PTPN12: variants seen among roughly 807,000 people sequenced by gnomAD.
The protein encoded by PTPN12 is protein tyrosine phosphatase non-receptor type 12.
PTPN12 carries 29 observed loss-of-function variants against 97.6 expected under a neutral mutation model. That is an observed-to-expected ratio of 0.30 (90% confidence interval 0.22 to 0.41). The LOEUF is 0.41. PTPN12 is among the 10% of genes least tolerant of loss of function. The pLI is 1.00. For missense variants in PTPN12, 819 were observed against 926.0 expected (o/e 0.88, Z 1.50); for synonymous variants, 327 against 300.4 (o/e 1.09, Z -0.91).
chr7:77,560,613 A>G (rs1216287936), intron 1 of PTPN12, among the ~76,000 whole-genome samples: 2 of 152,198 alleles, frequency 1.3e-5, no homozygotes, highest in African/African-American at 4.8e-5. Flanking sequence ...TATGGATTTG[A>G]CAATTCTAGG....
At chr7:77,588,665 A>G (rs1787769803) in intron 5 of PTPN12, among the ~76,000 whole-genome samples, 1 of 152,210 alleles carries the variant, frequency 6.6e-6, no homozygotes, top group Admixed American at 6.5e-5. Flanking sequence ...TCTGAGAAAC[A>G]CAGTAAAATG....
rs536862018 is a variant in PTPN12 at position 77,588,933 on chromosome 7, C to T, written c.421-3252C>T. Among the ~76,000 whole-genome samples the T allele has an allele frequency of 2.6e-5, 4 of 152,176 alleles. No individual in the cohort carries two copies. In the East Asian group the frequency reaches 5.8e-4, roughly 22 times the overall value. ...TGTCAGTCAGGCTGGAGTGCAGTGG[C>T]GCGATCTCGGCTCACTGCAACCTCC... On this transcript the variant is annotated intron_variant, in intron 5 of 17. Transcript: ENST00000248594.
intron 7 of PTPN12, 129 bp downstream of exon 7, chr7:77,598,030 C>G: frequency 8.2e-7 from 1 of 1,214,668 alleles, no homozygotes; most frequent in South Asian, 1.9e-5. Flanking sequence ...GGGTTCAAGA[C>G]TAGCCTGGGC....
intron 1 of PTPN12, among the ~76,000 whole-genome samples, chr7:77,551,337 A>G (rs1266864573): frequency 6.6e-6 from 1 of 152,246 alleles, no homozygotes; most frequent in Non-Finnish European, 1.5e-5. Flanking sequence ...CTGAGATTAC[A>G]GGCATGACAG....
chr7:77,537,631 G>A lies in PTPN12; in HGVS notation c.85G>A (p.Ala29Thr), dbSNP rs1271382639. Residue 29 changes from alanine to threonine, a missense_variant, in exon 1 of 18, where the codon GCC becomes ACC. This residue lies in a region of PTPN12 where 59 missense variants were observed against 42.2 expected (regional missense o/e 1.40). Coordinates refer to ENST00000248594, the MANE Select transcript of PTPN12 (RefSeq NM_002835.4). ...TGACCACAATGGGGAGGACAACTTC[G>A]CCCGGGACTTCATGGTGAGTCTCTC... ...SPDHNGEDNF[A>T]RDFMRLRRLS... 10 of 1,598,330 alleles carry A rather than the reference G, an allele frequency of 6.3e-6. No homozygotes were observed. The South Asian group carries it at 1.1e-4, about 18-fold the overall frequency.
At chr7:77,538,399 T>C (rs886192066) in intron 1 of PTPN12, among the ~76,000 whole-genome samples, 15 of 149,820 alleles carry the variant, frequency 1.0e-4, no homozygotes, top group African/African-American at 3.5e-4. Flanking sequence ...CCAGGGGATA[T>C]TGCCGAAGGC....
chr7:77,547,020 AAT>A (rs1281931841), intron 1 of PTPN12, among the ~76,000 whole-genome samples: 1 of 152,206 alleles, frequency 6.6e-6, no homozygotes, highest in Non-Finnish European at 1.5e-5. Context: ...GAAGTGTGCT[AAT>A]ATCTACATTT....
At chr7:77,613,726 C>T (rs867052379) in intron 11 of PTPN12, among the ~76,000 whole-genome samples, 9 of 151,878 alleles carry the variant, frequency 5.9e-5, no homozygotes, top group Middle Eastern at 3.4e-3. Flanking sequence ...CCCAGACTCA[C>T]GGGTACATCA....
intron 17 of PTPN12, chr7:77,638,962 T>TC: frequency 1.3e-6 from 1 of 786,150 alleles, no homozygotes; most frequent in Non-Finnish European, 1.8e-6. Flanking sequence ...GACTAAATTA[T>TC]CATGGATATT....
Position 77,627,242 on chromosome 7 carries a change from A to G in PTPN12, c.1563A>G (p.Pro521=), listed in dbSNP as rs757540509. 2.5e-6 allele frequency: 4 copies of G among 1,614,152 alleles called. No homozygotes were observed. Among genetic ancestry groups the G allele is most frequent in the Non-Finnish European group, 3.4e-6 (4 of 1,179,986 alleles). The change falls in exon 13 of 18, where the codon CCA becomes CCG. Residue 521 remains proline, a synonymous_variant. Coordinates refer to ENST00000248594, the MANE Select transcript of PTPN12 (RefSeq NM_002835.4). ...AATCCCAGAATTCAGACACACCTCC[A>G]AGGCCAGACCGCTTGCCTCTTGATG... The part of the protein sequence containing the change: ...PEESQNSDTP[P]RPDRLPLDEK...
Position 77,585,700 on chromosome 7 carries a change from G to A in PTPN12, c.420+119G>A, listed in dbSNP as rs11771589. 5.0e-3 allele frequency: 3,846 copies of A among 776,156 alleles called. 22 individuals carry two copies. Among genetic ancestry groups the A allele is most frequent in the Non-Finnish European group, 6.1e-3 (3,025 of 496,822 alleles). 48.1% of individuals were successfully genotyped at this position (776,156 alleles called of 1,614,324 possible). A position where few individuals can be genotyped will look rare whatever the true frequency, so the allele number is the denominator to read the frequency against. ...GATACTTCTTTTATTTTGGGGTACT[G>A]CTGTTGCTTTTATTTCATACAAGGG... On this transcript the variant is annotated intron_variant, in intron 5 of 17. Coordinates refer to ENST00000248594, the MANE Select transcript of PTPN12 (RefSeq NM_002835.4).
intron 1 of PTPN12, among the ~76,000 whole-genome samples, chr7:77,569,787 G>C (rs746505707): frequency 4.6e-5 from 7 of 151,594 alleles, no homozygotes; most frequent in Non-Finnish European, 1.0e-4. Flanking sequence ...AACAAACAAA[G>C]TGCTGTGGTA....
intron 15 of PTPN12, among the ~76,000 whole-genome samples, chr7:77,636,389 C>A (rs1789593183): frequency 6.6e-6 from 1 of 151,914 alleles, no homozygotes; most frequent in African/African-American, 2.4e-5. Context: ...CAAGACCATC[C>A]TGGGCAACAT....
intron 12 of PTPN12, among the ~76,000 whole-genome samples, chr7:77,620,612 G>T: frequency 6.6e-6 from 1 of 152,198 alleles, no homozygotes; most frequent in East Asian, 1.9e-4. Context: ...AGTATATTTT[G>T]TTTTTCAGTA....
At chr7:77,635,928 A>G (rs961898332) in intron 15 of PTPN12, 79 bp downstream of exon 15, 4 of 919,246 alleles carry the variant, frequency 4.4e-6, no homozygotes, top group Non-Finnish European at 6.5e-6. Flanking sequence ...TTGTTGAAAT[A>G]GCTGTCATCT....
rs1789197679 is a variant in PTPN12 at position 77,626,710 on chromosome 7, T to C, written c.1031T>C (p.Leu344Pro). 1.3e-6 allele frequency: 2 copies of C among 1,588,488 alleles called. No homozygotes were observed. The highest frequency in any genetic ancestry group is 1.4e-5 in the African/African-American group (1 of 73,718). Residue 344 changes from leucine (L) to proline (P), a missense_variant, in exon 13 of 18, where the codon CTT becomes CCT. Transcript: ENST00000248594. ...PPKPPRTRSC[L>P]VEGDAKEEIL... ...TTTAAATGTTTGTTTTTCAGTTGCC[T>C]TGTTGAAGGGGATGCTAAAGAAGAA...
chr7:77,584,784 G>A (rs1401882562), intron 4 of PTPN12, among the ~76,000 whole-genome samples: 2 of 152,092 alleles, frequency 1.3e-5, no homozygotes, highest in African/African-American at 4.8e-5. Context: ...GGCTAAGGCA[G>A]GAGAATGGCG....
In PTPN12 at chr7:77,581,307, A is replaced by C. The variant is rs896993795; in HGVS notation, c.209-120A>C. The C allele has an allele frequency of 6.0e-5, 32 of 537,356 alleles. 1 individual carries two copies. Among genetic ancestry groups the C allele is most frequent in the East Asian group, 1.4e-4 (4 of 28,820 alleles). The allele number at this position is 537,356 out of a possible 1,614,324, so 33.3% of individuals were successfully genotyped here. Reference sequence around the variant, plus strand: ...ATTACCCTGCTGGTACCTAGAGTCCATTTTCATCCATTGTTTTTTAAAATA... The same window carrying C: ...ATTACCCTGCTGGTACCTAGAGTCCCTTTTCATCCATTGTTTTTTAAAATA... On this transcript the variant is annotated intron_variant, in intron 2 of 17. Transcript: ENST00000248594.
chr7:77,551,654 T>C (rs981337582), intron 1 of PTPN12, among the ~76,000 whole-genome samples: 16 of 152,250 alleles, frequency 1.1e-4, no homozygotes, highest in Non-Finnish European at 2.2e-4. Context: ...GCTGCTGATA[T>C]TTGGGGCATT....
Sources: allele counts gnomAD v4.1 joint callset (sites outside exome capture counted in the v4.1 genomes callset), GRCh38; gene constraint gnomAD v4.1.1; regional missense constraint gnomAD v4.1.1; transcripts MANE v1.5; gene names NCBI Gene and HGNC (gene_info 2026-07-23, HGNC 2026-07-21).